The following ZNF85 variants were observed in gnomAD, a reference collection of about 807,000 sequenced individuals.
ZNF85 encodes zinc finger protein 85 (HPF4, HTF1).
ZNF85 carries 50 observed loss-of-function variants against 53.9 expected under a neutral mutation model. The ratio of observed to expected loss-of-function variants is 0.93; its 90% CI spans 0.74 to 1.17. The LOEUF is 1.17. Ranked by LOEUF, ZNF85 falls within the 50% of genes most tolerant of loss-of-function variation. ZNF85 has a pLI of 0.00. For synonymous variants in ZNF85, 225 were observed against 226.1 expected (o/e 1.00, Z 0.04); for missense variants, 747 against 688.5 (o/e 1.08, Z -0.95).
chr19:20,934,883 C>G, intron 2 of ZNF85, 66 bp from the exon 3 acceptor site: 1 of 971,912 alleles, frequency 1.0e-6, no homozygotes, highest in Non-Finnish European at 1.5e-6. Flanking sequence ...ACTAGCTAAG[C>G]ACATTACTAG....
intron 3 of ZNF85, among the ~76,000 whole-genome samples, chr19:20,939,549 A>G (rs759179674): frequency 6.6e-6 from 1 of 151,636 alleles, no homozygotes; most frequent in Non-Finnish European, 1.5e-5. Flanking sequence ...CACCACTCCC[A>G]GGTAGTGTAG....
Position 20,949,703 on chromosome 19 carries a change from C to A in ZNF85, c.1189C>A (p.Pro397Thr). 8.7e-6 allele frequency: 14 copies of A among 1,613,114 alleles called. No individual in the cohort carries two copies. Among genetic ancestry groups the A allele is most frequent in the Non-Finnish European group, 1.2e-5 (14 of 1,179,462 alleles). Residue 397 changes from proline (P) to threonine (T), a missense_variant, in exon 4 of 4, where the codon CCT becomes ACT. Coordinates refer to ENST00000328178, the MANE Select transcript of ZNF85 (RefSeq NM_003429.5). ...THKIIHTGEK[P>T]YKCKECGKAF... ...TAAGATAATTCATACTGGAGAGAAA[C>A]CTTACAAATGTAAAGAATGTGGTAA...
At chr19:20,945,321 G>A (rs527444618) in intron 3 of ZNF85, among the ~76,000 whole-genome samples, 1 of 152,158 alleles carries the variant, frequency 6.6e-6, no homozygotes, top group Non-Finnish European at 1.5e-5. Context: ...ACACCACTCT[G>A]TTTTCCTTGT....
At chr19:20,946,655 T>C (rs750280127) in intron 3 of ZNF85, among the ~76,000 whole-genome samples, 6 of 152,130 alleles carry the variant, frequency 3.9e-5, no homozygotes, top group African/African-American at 7.2e-5. Context: ...TATTGTTTAA[T>C]GTCCTTCTTT....
intron 3 of ZNF85, 124 bp downstream of exon 3, chr19:20,935,171 C>G (rs1024526908): frequency 6.8e-6 from 4 of 586,728 alleles, no homozygotes; most frequent in South Asian, 3.0e-5. Flanking sequence ...TCTCAGAAGC[C>G]TGAGGTTTCT....
At chr19:20,939,458 T>C (rs1973240881) in intron 3 of ZNF85, among the ~76,000 whole-genome samples, 1 of 152,100 alleles carries the variant, frequency 6.6e-6, no homozygotes, top group Non-Finnish European at 1.5e-5. Context: ...TTTCACCATA[T>C]TGGCCAGGCT....
chr19:20,949,583 C>CT lies in ZNF85; in HGVS notation c.1071dup (p.Thr358TyrfsTer4), dbSNP rs762324010. 4 of 1,598,066 alleles carry CT rather than the reference C, an allele frequency of 2.5e-6. No homozygotes were observed. Among genetic ancestry groups the CT allele is most frequent in the Non-Finnish European group, 3.4e-6 (4 of 1,168,850 alleles). ...AAAAGCCTTTAACCAGTCTGCACAC[C>CT]TTACCACACATGAGGTAATTCATAC... is the stretch of plus-strand genomic sequence containing the variant. On this transcript the variant is annotated frameshift_variant, in exon 4 of 4. Coordinates refer to ENST00000328178, the MANE Select transcript of ZNF85 (RefSeq NM_003429.5). LOFTEE classifies it high-confidence loss of function.
rs752661523 is a variant in ZNF85, at chr19:20,949,956, C to G, written c.1442C>G (p.Pro481Arg). ...RHKKSHTEEK[P>R]YKCEECGKGF... is the part of the protein sequence containing the mutation. ...AAGAAAAGTCATACAGAAGAGAAAC[C>G]TTACAAATGTGAAGAATGTGGCAAA... The change falls in exon 4 of 4, where the codon CCT becomes CGT. Residue 481 changes from proline (P) to arginine (R), a missense_variant. By Grantham distance (103) the Pro-to-Arg change is moderately radical (BLOSUM62 -2). Coordinates refer to ENST00000328178, the MANE Select transcript of ZNF85 (RefSeq NM_003429.5). The G allele has an allele frequency of 3.1e-6, 5 of 1,612,552 alleles. No individual in the cohort carries two copies. The highest frequency in any genetic ancestry group is 3.3e-4 in the Middle Eastern group (2 of 6,050).
Position 20,949,277 on chromosome 19 carries a change from G to A in ZNF85, c.763G>A (p.Glu255Lys). 6.2e-7 allele frequency: 1 copy of A among 1,612,842 alleles called. No homozygotes were observed. ...TAAACATAAGAAAATTCATACTGGA[G>A]AGAAACCCTACAAATGTGAAGAATG... is the stretch of plus-strand genomic sequence containing the variant. ...LIKHKKIHTGEKPYKCEECGK... is the reference protein window; with the variant it reads ...LIKHKKIHTGKKPYKCEECGK... The change falls in exon 4 of 4, where the codon GAG becomes AAG. Residue 255 changes from glutamate to lysine, a missense_variant. Physicochemically the swap from Glu to Lys is moderately conservative, Grantham distance 56. Coordinates refer to ENST00000328178, the MANE Select transcript of ZNF85 (RefSeq NM_003429.5).
chr19:20,949,436 C>A lies in ZNF85; in HGVS notation c.922C>A (p.His308Asn). The A allele has an allele frequency of 6.2e-7, 1 of 1,610,760 alleles. No homozygotes were observed. The highest frequency in any genetic ancestry group is 8.5e-7 in the Non-Finnish European group (1 of 1,177,866). ...AACCCTTACTACCCATAGAAAAATT[C>A]ATACTGGAGAGAAACCTTACAAATG... The part of the protein sequence containing the change: ...SSTLTTHRKI[H>N]TGEKPYKCEE... The change falls in exon 4 of 4, where the codon CAT becomes AAT. Residue 308 changes from histidine to asparagine, a missense_variant. Coordinates refer to ENST00000328178, the MANE Select transcript of ZNF85 (RefSeq NM_003429.5).
At chr19:20,944,590 A>G (rs1368443034) in intron 3 of ZNF85, among the ~76,000 whole-genome samples, 1 of 150,458 alleles carries the variant, frequency 6.6e-6, no homozygotes, top group African/African-American at 2.4e-5. Flanking sequence ...GAAAGTTCTC[A>G]GCTTTTTTAA....
At chr19:20,935,090 G>C in intron 3 of ZNF85, 43 bp downstream of exon 3, 2 of 1,367,108 alleles carry the variant, frequency 1.5e-6, no homozygotes, top group South Asian at 2.5e-5. Context: ...ACACATGAGA[G>C]GTCCAAAGGC....
intron 3 of ZNF85, among the ~76,000 whole-genome samples, chr19:20,947,907 T>C (rs1973461862): frequency 6.6e-6 from 1 of 152,090 alleles, no homozygotes; most frequent in Non-Finnish European, 1.5e-5. Flanking sequence ...TTCAAACTAA[T>C]TTGTATATCT....
chr19:20,950,297 A>C lies in ZNF85; in HGVS notation c.1783A>C (p.Ile595Leu). 6.6e-7 allele frequency: 1 copy of C among 1,520,570 alleles called. No individual in the cohort carries two copies. The highest frequency in any genetic ancestry group is 2.3e-5 in the East Asian group (1 of 44,102). The allele number at this position is 1,520,570 out of a possible 1,614,324, so 94.2% of individuals were successfully genotyped here. ...KIIHTGEKLQI is the reference protein window; with the variant it reads ...KIIHTGEKLQL ...AATTCATACCGGAGAAAAATTACAA[A>C]TATGAAAATTATGGCAAAGCTTTAA... The change falls in exon 4 of 4, where the codon ATA (isoleucine) becomes CTA (leucine). Residue 595 changes from isoleucine to leucine, a missense_variant. Transcript: ENST00000328178.
intron 3 of ZNF85, among the ~76,000 whole-genome samples, chr19:20,939,474 C>T (rs1027246984): frequency 6.6e-5 from 10 of 152,092 alleles, no homozygotes; most frequent in Non-Finnish European, 2.9e-5. Flanking sequence ...AGGCTGGTCT[C>T]GGACTCCTGA....
At chr19:20,943,493 C>G (rs576919277) in intron 3 of ZNF85, 2 of 152,234 alleles carry the variant, frequency 1.3e-5, no homozygotes, top group Non-Finnish European at 2.9e-5. Flanking sequence ...CTGAAACCTT[C>G]CACCAGAGGC....
Position 20,942,169 on chromosome 19 carries a change from AT to A in ZNF85, c.230-6563del, listed in dbSNP as rs61170980. On this transcript the variant is annotated intron_variant, in intron 3 of 3. Coordinates refer to ENST00000328178, the MANE Select transcript of ZNF85 (RefSeq NM_003429.5). The stretch of plus-strand genomic sequence containing the variant: ...TGTAGCTTTTATATTATTATTATTA[AT>A]TTTTTTTTTTTCCTGAGACAGAGTC... Among the ~76,000 whole-genome samples, 204 of 146,284 alleles carry A rather than the reference AT, an allele frequency of 1.4e-3. 1 individual carries two copies. The highest frequency in any genetic ancestry group is 3.5e-3 in the African/African-American group (140 of 40,174).
At chr19:20,948,673 A>G (rs956950754) in intron 3 of ZNF85, 71 bp from the exon 4 acceptor site, 1 of 1,174,644 alleles carries the variant, frequency 8.5e-7, no homozygotes, top group Non-Finnish European at 1.2e-6. Context: ...TTAATTTTAT[A>G]TATTACATTT....
At chr19:20,926,165 G>GT (rs566545097) in intron 1 of ZNF85, among the ~76,000 whole-genome samples, 39 of 152,060 alleles carry the variant, frequency 2.6e-4, no homozygotes, top group Non-Finnish European at 4.7e-4. Flanking sequence ...AGAAAATGTG[G>GT]TATATAATTG....
Sources: gnomAD v4.1 joint callset for allele counts (sites outside exome capture counted in the v4.1 genomes callset) on GRCh38, gnomAD v4.1.1 for gene constraint, MANE v1.5 for transcripts, NCBI Gene and HGNC (gene_info 2026-07-23, HGNC 2026-07-21) for gene names.